Variants in CDH12 observed in about 807,000 individuals in gnomAD.
The protein encoded by CDH12 is cadherin-12.
Under a neutral mutation model 74.1 loss-of-function variants are expected in CDH12, and 41 were observed. The ratio of observed to expected loss-of-function variants is 0.55; its 90% confidence interval spans 0.43 to 0.72. CDH12 has a LOEUF of 0.72. CDH12 is among the 30% of genes least tolerant of loss of function. The pLI is 0.00. For synonymous variants in CDH12, 399 were observed against 355.0 expected (o/e 1.12, Z -1.39); for missense variants, 945 against 977.2 (o/e 0.97, Z 0.44).
chr5:22,245,999 A>T (rs994067193), intron 3 of CDH12, among the ~76,000 whole-genome samples: 4 of 152,136 alleles, frequency 2.6e-5, no homozygotes, highest in African/African-American at 9.7e-5. Context: ...ACTATGTAAC[A>T]AGTGGTGGCA....
At chr5:22,582,773 T>G (rs895138375) in intron 1 of CDH12, among the ~76,000 whole-genome samples, 1 of 152,282 alleles carries the variant, frequency 6.6e-6, no homozygotes, top group African/African-American at 2.4e-5. Context: ...CAAAAAAGTT[T>G]ACTGCAATTG....
intron 8 of CDH12, among the ~76,000 whole-genome samples, chr5:21,819,295 T>C: frequency 6.6e-6 from 1 of 152,038 alleles, no homozygotes; most frequent in East Asian, 1.9e-4. Flanking sequence ...GTCCCTGAAC[T>C]TCTGTTTAAT....
chr5:22,563,909 A>G (rs1295969619), intron 1 of CDH12, among the ~76,000 whole-genome samples: 1 of 152,174 alleles, frequency 6.6e-6, no homozygotes, highest in African/African-American at 2.4e-5. Context: ...CAGCATGAGA[A>G]AGACCTACCC....
rs70959707 is a variant in CDH12, at chr5:22,233,305, A to AATAT, written c.-332-20666_-332-20663dup. 4.3e-3 allele frequency among the ~76,000 whole-genome samples: 651 copies of AATAT among 151,238 alleles called. 5 individuals are homozygous for AATAT. Among genetic ancestry groups the AATAT allele is most frequent in the African/African-American group, 0.015 (619 of 41,284 alleles). On this transcript the variant is annotated intron_variant, in intron 3 of 14. Coordinates refer to ENST00000382254, the MANE Select transcript of CDH12 (RefSeq NM_004061.5). ...CATAGATACATAGACAAGCAAAAAA[A>AATAT]ATATATATATATAGTTAAATTTCTA... is the stretch of plus-strand genomic sequence containing the variant.
intron 10 of CDH12, among the ~76,000 whole-genome samples, chr5:21,785,436 G>A (rs895503876): frequency 2.6e-5 from 4 of 152,148 alleles, no homozygotes; most frequent in Non-Finnish European, 5.9e-5. Context: ...CATGCCTAAA[G>A]CCAAGATAGT....
At chr5:21,915,184 T>C (rs1212368161) in intron 6 of CDH12, among the ~76,000 whole-genome samples, 1 of 152,148 alleles carries the variant, frequency 6.6e-6, no homozygotes, top group East Asian at 1.9e-4. Context: ...ATAATTCCGA[T>C]CTTATTATTT....
At chr5:22,371,962 A>C (rs1481021221) in intron 3 of CDH12, among the ~76,000 whole-genome samples, 2 of 152,216 alleles carry the variant, frequency 1.3e-5, no homozygotes, top group African/African-American at 4.8e-5. Context: ...AGGCCAAAAC[A>C]TGATGATATT....
intron 5 of CDH12, among the ~76,000 whole-genome samples, chr5:22,039,777 T>G (rs1000795980): frequency 2.0e-5 from 3 of 150,868 alleles, no homozygotes; most frequent in African/African-American, 7.3e-5. Context: ...TTGAAATGAG[T>G]CACCATGCCC....
chr5:22,464,236 C>G (rs1745636972), intron 2 of CDH12, among the ~76,000 whole-genome samples: 1 of 152,198 alleles, frequency 6.6e-6, no homozygotes, highest in Non-Finnish European at 1.5e-5. Flanking sequence ...CTTCCCCAGC[C>G]ACGCAGAACT....
intron 3 of CDH12, among the ~76,000 whole-genome samples, chr5:22,332,673 C>T (rs1014887468): frequency 6.6e-5 from 10 of 151,990 alleles, no homozygotes. Flanking sequence ...ACAGGGACTT[C>T]GCAAAAGAAG....
intron 1 of CDH12, among the ~76,000 whole-genome samples, chr5:22,779,274 AAT>A (rs1196838288): frequency 6.6e-6 from 1 of 152,206 alleles, no homozygotes; most frequent in African/African-American, 2.4e-5. Context: ...TTTATATTTA[AAT>A]ATGTTTCAGA....
intron 7 of CDH12, among the ~76,000 whole-genome samples, chr5:21,843,630 T>C (rs568803410): frequency 6.6e-6 from 1 of 152,172 alleles, no homozygotes; most frequent in East Asian, 1.9e-4. Flanking sequence ...TTCTCCTGCA[T>C]CAGCCTCCGG....
chr5:21,956,393 G>A (rs928554331), intron 6 of CDH12, among the ~76,000 whole-genome samples: 9 of 151,982 alleles, frequency 5.9e-5, no homozygotes, highest in African/African-American at 2.2e-4. Context: ...AAGTAGATGT[G>A]TCTATTAAAT....
At chr5:21,860,981 A>G (rs1751014698) in intron 6 of CDH12, among the ~76,000 whole-genome samples, 1 of 152,026 alleles carries the variant, frequency 6.6e-6, no homozygotes, top group Admixed American at 6.6e-5. Context: ...AGAAAACCCT[A>G]ATACACCACA....
intron 5 of CDH12, among the ~76,000 whole-genome samples, chr5:22,050,463 C>T (rs372469989): frequency 2.6e-5 from 4 of 152,176 alleles, no homozygotes. Flanking sequence ...ACAATACGTG[C>T]CTAATTTAAT....
chr5:22,638,025 A>T (rs573745860), intron 1 of CDH12, among the ~76,000 whole-genome samples: 1 of 152,320 alleles, frequency 6.6e-6, no homozygotes, highest in South Asian at 2.1e-4. Flanking sequence ...ACACAATAAC[A>T]ATAATCATAA....
chr5:22,120,037 T>G (rs1477083632), intron 4 of CDH12, among the ~76,000 whole-genome samples: 1 of 152,188 alleles, frequency 6.6e-6, no homozygotes, highest in Admixed American at 6.5e-5. Context: ...CTGTTACTGA[T>G]TATTTTTGCA....
rs150462532 is a variant in CDH12, at chr5:21,896,973, T to C, written c.527-42183A>G. ...GGTTTCTGCTCTTTATTCAGAATCATTGGAAAATACAAGCCAACCAAAAAA... is the reference window on the plus strand; with the variant it reads ...GGTTTCTGCTCTTTATTCAGAATCACTGGAAAATACAAGCCAACCAAAAAA... On this transcript the variant is annotated intron_variant, in intron 6 of 14. Transcript: ENST00000382254. 4.9e-3 allele frequency among the ~76,000 whole-genome samples: 742 copies of C among 152,256 alleles called. 5 individuals are homozygous for C. Among genetic ancestry groups the C allele is most frequent in the African/African-American group, 0.017 (694 of 41,550 alleles).
intron 4 of CDH12, among the ~76,000 whole-genome samples, chr5:22,189,448 T>C (rs1295921659): frequency 4.6e-5 from 7 of 152,118 alleles, no homozygotes; most frequent in Non-Finnish European, 7.4e-5. Context: ...AATAATAGCA[T>C]ATAAATATAT....
Sources: gnomAD v4.1 joint callset for allele counts (sites outside exome capture counted in the v4.1 genomes callset) on GRCh38, gnomAD v4.1.1 for gene constraint, MANE v1.5 for transcripts, NCBI Gene and HGNC (gene_info 2026-07-23, HGNC 2026-07-21) for gene names.